PARD6G: variants seen among roughly 807,000 people sequenced by gnomAD.
PARD6G encodes partitioning defective 6 homolog gamma.
PARD6G carries 7 observed loss-of-function variants against 10.7 expected under a neutral mutation model. The observed-to-expected ratio is 0.66, with a 90% CI of 0.37 to 1.23. PARD6G has a LOEUF of 1.23. PARD6G is among the 50% of genes most tolerant of loss of function. PARD6G has a pLI of 0.02. For missense variants in PARD6G, 548 were observed against 571.8 expected (o/e 0.96, Z 0.42); for synonymous variants, 287 against 269.4 (o/e 1.07, Z -0.64).
intron 1 of PARD6G, among the ~76,000 whole-genome samples, chr18:80,213,359 C>T (rs1967127544): frequency 6.6e-6 from 1 of 152,180 alleles, no homozygotes; most frequent in Non-Finnish European, 1.5e-5. Context: ...TGATCTTTTA[C>T]ATCTGACTCT....
chr18:80,213,827 G>A (rs1381610669), intron 1 of PARD6G, among the ~76,000 whole-genome samples: 3 of 151,758 alleles, frequency 2.0e-5, no homozygotes, highest in African/African-American at 4.8e-5. Context: ...GCGTGGTGGC[G>A]GGTGTGTGTA....
chr18:80,226,085 T>G (rs936233989), intron 1 of PARD6G, among the ~76,000 whole-genome samples: 16 of 151,462 alleles, frequency 1.1e-4, no homozygotes, highest in African/African-American at 3.9e-4. Context: ...TAGCTCAATA[T>G]TCAAAAGGTA....
At chr18:80,179,300 C>G (rs1005856693) in intron 2 of PARD6G, among the ~76,000 whole-genome samples, 1 of 151,744 alleles carries the variant, frequency 6.6e-6, no homozygotes, top group African/African-American at 2.4e-5. Flanking sequence ...CTCAGGTGAG[C>G]CTCGGTGAAG....
chr18:80,226,054 G>A (rs55671629), intron 1 of PARD6G, among the ~76,000 whole-genome samples: 25,941 of 150,328 alleles, frequency 0.17, 2,785 homozygotes, highest in East Asian at 0.43. Flanking sequence ...TTTATGGTTT[G>A]AATAGGGCTA....
At chr18:80,164,211 AC>A (rs2052719961) in intron 2 of PARD6G, among the ~76,000 whole-genome samples, 1 of 152,192 alleles carries the variant, frequency 6.6e-6, no homozygotes. Context: ...TGCCAGAGAG[AC>A]TAAGCAGGGA....
chr18:80,160,092 C>T lies in PARD6G; in HGVS notation c.810G>A (p.Ser270=). 1 of 1,600,436 alleles carries T rather than the reference C, an allele frequency of 6.2e-7. No individual in the cohort carries two copies. The highest frequency in any genetic ancestry group is 8.5e-7 in the Non-Finnish European group (1 of 1,174,072). Residue 270 remains serine, a synonymous_variant, in exon 3 of 3, where the codon TCG becomes TCA. Coordinates refer to ENST00000353265, the MANE Select transcript of PARD6G (RefSeq NM_032510.4). The part of the protein sequence containing the change: ...GRALGSSGPP[S]DGTAGFVGPP... ...GACCCACGAAGCCCGCGGTGCCGTC[C>T]GAGGGCGGTCCCGAGCTGCCCAACG...
chr18:80,158,251 T>G lies in PARD6G; in HGVS notation c.*1520A>C, dbSNP rs1366677788. 6.6e-6 allele frequency: 1 copy of G among 152,212 alleles called. No individual in the cohort carries two copies. The highest frequency in any genetic ancestry group is 1.5e-5 in the Non-Finnish European group (1 of 68,034). The allele number at this position is 152,212 out of a possible 1,614,324, so 9.4% of individuals were successfully genotyped here. A position where few individuals can be genotyped will look rare whatever the true frequency, so the allele number is the denominator to read the frequency against. ...CCAGTGACCATTCTAGAAATGAAAATTAGCATGTATTGTGACTTACTAAAA... is the reference window on the plus strand; with the variant it reads ...CCAGTGACCATTCTAGAAATGAAAAGTAGCATGTATTGTGACTTACTAAAA... On this transcript the variant is annotated 3_prime_UTR_variant, in exon 3 of 3. Transcript: ENST00000353265.
intron 2 of PARD6G, among the ~76,000 whole-genome samples, chr18:80,186,133 C>T (rs1331788365): frequency 6.9e-6 from 1 of 145,484 alleles, no homozygotes; most frequent in Non-Finnish European, 1.5e-5. Flanking sequence ...CCCACACATG[C>T]GTATACCCTC....
rs892804926 is a variant in PARD6G, at chr18:80,222,213, T to C, written c.73-19281A>G. 3.9e-5 allele frequency among the ~76,000 whole-genome samples: 6 copies of C among 152,120 alleles called. No individual in the cohort carries two copies. The East Asian group carries it at 1.2e-3, about 29-fold the overall frequency. ...GATCTTCCTGCATCAGCCTGCCAAG[T>C]AGCTGGAACTACAGGCATGCGCCGC... On this transcript the variant is annotated intron_variant, in intron 1 of 2. Coordinates refer to ENST00000353265, the MANE Select transcript of PARD6G (RefSeq NM_032510.4).
rs1051196957 is a variant in PARD6G at position 80,160,499 on chromosome 18, C to T, written c.403G>A (p.Gly135Ser). The change falls in exon 3 of 3, where the codon GGC (glycine) becomes AGC (serine). Residue 135 changes from glycine to serine, a missense_variant. Transcript: ENST00000353265. ...GPRRRAHLDI[G>S]LPRDFRPVSS... Reference sequence around the variant, plus strand: ...ACGGGGCGGAAGTCGCGCGGGAGGCCGATGTCCAGGTGTGCACGCCGCCGG... The same window carrying T: ...ACGGGGCGGAAGTCGCGCGGGAGGCTGATGTCCAGGTGTGCACGCCGCCGG... The T allele has an allele frequency of 9.7e-6, 15 of 1,544,952 alleles. No homozygotes were observed. Among genetic ancestry groups the T allele is most frequent in the Admixed American group, 7.5e-5 (4 of 53,144 alleles).
intron 1 of PARD6G, among the ~76,000 whole-genome samples, chr18:80,218,187 C>A (rs879960455): frequency 2.0e-5 from 3 of 152,086 alleles, no homozygotes; most frequent in African/African-American, 7.2e-5. Context: ...CAACAGTCCC[C>A]CAAAGTCTTA....
At chr18:80,218,427 TTA>T (rs1967193627) in intron 1 of PARD6G, among the ~76,000 whole-genome samples, 1 of 152,144 alleles carries the variant, frequency 6.6e-6, no homozygotes, top group Admixed American at 6.6e-5. Context: ...GTCACTAAAC[TTA>T]AAGTTCCAAA....
Position 80,176,906 on chromosome 18 carries a change from T to C in PARD6G, c.296-16300A>G, listed in dbSNP as rs189909666. ...CAGATGGGAAGCACGCACACACACA[T>C]ACACACACAGGATAAATCACAGTCC... On this transcript the variant is annotated intron_variant, in intron 2 of 2. Transcript: ENST00000353265. Among the ~76,000 whole-genome samples, 672 of 123,820 alleles carry C rather than the reference T, an allele frequency of 5.4e-3. 5 individuals carry two copies. Among genetic ancestry groups the C allele is most frequent in the Middle Eastern group, 0.011 (2 of 178 alleles). The allele number at this position is 123,820 out of a possible 152,430, so 81.2% of individuals were successfully genotyped here. A position where few individuals can be genotyped will look rare whatever the true frequency, so the allele number is the denominator to read the frequency against.
In PARD6G at chr18:80,200,161, T is replaced by C. The variant is rs1191508649; in HGVS notation, c.295+2549A>G. Among the ~76,000 whole-genome samples, 1 of 152,130 alleles carries C rather than the reference T, an allele frequency of 6.6e-6. No homozygotes were observed. Among genetic ancestry groups the C allele is most frequent in the African/African-American group, 2.4e-5 (1 of 41,428 alleles). ...ACCGTGACTGACCCCTCGACACCCC[T>C]GCTGCAGTAAAAAGGCTGTGGGATT... On this transcript the variant is annotated intron_variant, in intron 2 of 2. Transcript: ENST00000353265. The surrounding 1 kb of genome is among the most constrained non-coding windows in gnomAD (Gnocchi z 4.4).
chr18:80,217,189 A>G (rs1967177726), intron 1 of PARD6G, among the ~76,000 whole-genome samples: 2 of 152,246 alleles, frequency 1.3e-5, no homozygotes, highest in African/African-American at 4.8e-5. Context: ...AGTTGGAACA[A>G]TTTGAGCAAG....
intron 1 of PARD6G, among the ~76,000 whole-genome samples, chr18:80,230,975 G>C (rs1285131333): frequency 6.6e-6 from 1 of 152,226 alleles, no homozygotes; most frequent in Non-Finnish European, 1.5e-5. Context: ...TGAAGGACCT[G>C]AGGCTGAATT....
chr18:80,178,309 G>A (rs1018688851), intron 2 of PARD6G: 9 of 152,684 alleles, frequency 5.9e-5, no homozygotes, highest in African/African-American at 2.2e-4. Context: ...TGTAAACTTG[G>A]GCCTTCCAGC....
At chr18:80,238,367 G>A (rs1038195105) in intron 1 of PARD6G, among the ~76,000 whole-genome samples, 5 of 152,020 alleles carry the variant, frequency 3.3e-5, no homozygotes, top group Non-Finnish European at 7.4e-5. Context: ...AGTAGGGATA[G>A]CATTAGGAGA....
intron 2 of PARD6G, among the ~76,000 whole-genome samples, chr18:80,177,310 T>C (rs1599850222): frequency 9.3e-6 from 1 of 107,732 alleles, no homozygotes; most frequent in African/African-American, 3.8e-5. Context: ...ACGGGATAAA[T>C]CACAGCCCAA....
Sources: allele counts gnomAD v4.1 joint callset (sites outside exome capture counted in the v4.1 genomes callset), GRCh38; gene constraint gnomAD v4.1.1; non-coding constraint Gnocchi (gnomAD v3.1); transcripts MANE v1.5; gene names NCBI Gene and HGNC (gene_info 2026-07-23, HGNC 2026-07-21).